DMD: variants seen among roughly 807,000 people sequenced by gnomAD.
The protein encoded by DMD is dystrophin.
A neutral mutation model predicts 330.1 loss-of-function variants in DMD; 63 were observed. The ratio of observed to expected loss-of-function variants is 0.19; its 90% confidence interval spans 0.16 to 0.24. DMD has a LOEUF of 0.24. Ranked by LOEUF, DMD falls within the 10% of genes least tolerant of loss-of-function variation. DMD has a pLI of 1.00. For missense variants in DMD, 3,344 were observed against 2,684.1 expected (o/e 1.25, Z -5.43); for synonymous variants, 1,223 against 959.8 (o/e 1.27, Z -5.07).
In DMD at chrX:32,742,865, CT is replaced by C. The variant is rs751539232; in HGVS notation, c.650-43573del. 4.5e-5 allele frequency among the ~76,000 whole-genome samples: 5 copies of C among 111,791 alleles called. No individual in the cohort carries two copies. The East Asian group carries it at 1.4e-3, about 31-fold the overall frequency. ...AATTTATTTAATCCTCACTGCAATC[CT>C]ACGATGTAGATACTATTATGATCCC... is the stretch of plus-strand genomic sequence containing the variant. On this transcript the variant is annotated intron_variant, in intron 7 of 78. Coordinates refer to ENST00000357033, the MANE Select transcript of DMD (RefSeq NM_004006.3).
At chrX:33,108,459 G>T (rs1289058409) in intron 1 of DMD, among the ~76,000 whole-genome samples, 1 of 33,375 alleles carries the variant, frequency 3.0e-5, no homozygotes, top group Non-Finnish European at 5.1e-5. Flanking sequence ...TACAGACGGG[G>T]TTTCACTATG....
intron 12 of DMD, among the ~76,000 whole-genome samples, chrX:32,606,496 T>C (rs921582542): frequency 1.5e-4 from 16 of 109,811 alleles, no homozygotes; most frequent in Non-Finnish European, 3.1e-4. Context: ...TAAAACAGTA[T>C]GGAGATTTCT....
intron 34 of DMD, among the ~76,000 whole-genome samples, chrX:32,379,155 T>C (rs2097915256): frequency 9.1e-6 from 1 of 109,666 alleles, no homozygotes; most frequent in African/African-American, 3.3e-5. Context: ...CTAGATAGAG[T>C]GATAAATTAT....
intron 26 of DMD, among the ~76,000 whole-genome samples, chrX:32,449,839 T>A (rs2098322934): frequency 9.1e-6 from 1 of 110,452 alleles, no homozygotes; most frequent in South Asian, 3.8e-4. Context: ...GTAGTTTATT[T>A]ATGTGTGCCA....
chrX:32,361,252 A>C (rs2097832925), intron 37 of DMD, among the ~76,000 whole-genome samples: 1 of 111,687 alleles, frequency 9.0e-6, no homozygotes, highest in Non-Finnish European at 1.9e-5. Context: ...TTAGAAGTAA[A>C]AACAATTGTC....
intron 43 of DMD, among the ~76,000 whole-genome samples, chrX:32,228,605 A>G (rs2097156667): frequency 9.0e-6 from 1 of 111,634 alleles, no homozygotes; most frequent in South Asian, 3.7e-4. Context: ...AAATTTCTTA[A>G]TAAGTTTAAA....
At chrX:33,157,296 A>G (rs2048552235) in intron 1 of DMD, among the ~76,000 whole-genome samples, 1 of 110,847 alleles carries the variant, frequency 9.0e-6, no homozygotes, top group Non-Finnish European at 1.9e-5. Context: ...GCTTATAGAC[A>G]CGTCACTCGG....
chrX:32,935,008 G>C (rs5972716), intron 2 of DMD, among the ~76,000 whole-genome samples: 15,546 of 112,821 alleles, frequency 0.14, 921 homozygotes, highest in Middle Eastern at 0.23. Context: ...GCTCTGGAGT[G>C]AGTGCACTTC....
At chrX:31,536,122 C>T (rs1479506959) in intron 55 of DMD, among the ~76,000 whole-genome samples, 1 of 111,796 alleles carries the variant, frequency 8.9e-6, no homozygotes, top group Non-Finnish European at 1.9e-5. Flanking sequence ...ATAGGCTCTT[C>T]TTGGCCTATA....
At chrX:31,819,849 T>C (rs1603479979) in intron 50 of DMD, 126 bp downstream of exon 50, 1 of 569,689 alleles carries the variant, frequency 1.8e-6, no homozygotes, top group East Asian at 3.5e-5. Flanking sequence ...GCACAGTCAA[T>C]AACACAAAGG....
At chrX:32,906,349 G>A (rs185579487) in intron 2 of DMD, among the ~76,000 whole-genome samples, 87 of 111,622 alleles carry the variant, frequency 7.8e-4, no homozygotes, top group Non-Finnish European at 1.6e-3. Flanking sequence ...TCCTGAGGCC[G>A]CCCCAGAAGC....
chrX:31,951,776 T>C (rs1340837284), intron 45 of DMD, among the ~76,000 whole-genome samples: 1 of 111,648 alleles, frequency 9.0e-6, no homozygotes, highest in African/African-American at 3.2e-5. Context: ...CTTTTATATG[T>C]ATCTACATAT....
chrX:31,282,183 T>C (rs192684877), intron 62 of DMD, among the ~76,000 whole-genome samples: 79 of 112,317 alleles, frequency 7.0e-4, no homozygotes, highest in African/African-American at 2.5e-3. Flanking sequence ...CCAATTTACA[T>C]CACCCACAAG....
intron 1 of DMD, among the ~76,000 whole-genome samples, chrX:33,321,568 A>C: frequency 8.9e-6 from 1 of 111,874 alleles, no homozygotes; most frequent in Middle Eastern, 4.6e-3. Context: ...TATTTAGCAT[A>C]ATTCTTAAGG....
intron 47 of DMD, among the ~76,000 whole-genome samples, chrX:31,889,084 C>A (rs1007785217): frequency 1.8e-5 from 2 of 111,692 alleles, no homozygotes; most frequent in Non-Finnish European, 3.8e-5. Flanking sequence ...TTCTCAAGAC[C>A]TCAAACATAT....
At chrX:32,156,015 CA>C (rs2096828680) in intron 44 of DMD, among the ~76,000 whole-genome samples, 2 of 96,839 alleles carry the variant, frequency 2.1e-5, no homozygotes, top group African/African-American at 7.5e-5. Context: ...CACACACACA[CA>C]CCTGTATAGC....
At chrX:33,010,264 A>ATG (rs200948492) in intron 2 of DMD, among the ~76,000 whole-genome samples, 8 of 65,659 alleles carry the variant, frequency 1.2e-4, no homozygotes, top group Non-Finnish European at 1.5e-4. Context: ...ATGTACAAAT[A>ATG]TGTGTGTATA....
At chrX:32,786,955 C>G (rs2075404863) in intron 7 of DMD, among the ~76,000 whole-genome samples, 1 of 89,604 alleles carries the variant, frequency 1.1e-5, no homozygotes, top group Non-Finnish European at 2.2e-5. Context: ...CAGATTACAT[C>G]AATATTACTA....
chrX:33,172,488 A>G (rs1223267284), intron 1 of DMD, among the ~76,000 whole-genome samples: 1 of 110,852 alleles, frequency 9.0e-6, no homozygotes, highest in African/African-American at 3.3e-5. Context: ...TATCTCAGGA[A>G]TAAGCAACTA....
Sources: gnomAD v4.1 joint callset for allele counts (sites outside exome capture counted in the v4.1 genomes callset) on GRCh38, gnomAD v4.1.1 for gene constraint, MANE v1.5 for transcripts, NCBI Gene and HGNC (gene_info 2026-07-23, HGNC 2026-07-21) for gene names.